The following FAM13B variants were observed in gnomAD, a reference collection of about 807,000 sequenced individuals.
The protein encoded by FAM13B is family with sequence similarity 13 member B.
A neutral mutation model predicts 117.3 loss-of-function variants in FAM13B; 60 were observed. That is an observed-to-expected ratio of 0.51 (90% confidence interval 0.42 to 0.63). The LOEUF is 0.63. Ranked by LOEUF, FAM13B falls within the 30% of genes least tolerant of loss-of-function variation. The pLI is 0.00. For synonymous variants in FAM13B, 332 were observed against 356.1 expected, an observed-to-expected ratio of 0.93 and a Z score of 0.76; for missense variants, 972 against 1,091.9, an observed-to-expected ratio of 0.89 and a Z score of 1.55.
At chr5:138,018,861 A>G in intron 3 of FAM13B, 94 bp downstream of exon 3, 2 of 1,026,458 alleles carry the variant, frequency 1.9e-6, no homozygotes, top group Middle Eastern at 2.6e-4. Flanking sequence ...TGGACTTTCC[A>G]TATTAAAAAA....
intron 7 of FAM13B, among the ~76,000 whole-genome samples, chr5:137,990,767 C>A (rs1462761583): frequency 1.3e-5 from 2 of 151,618 alleles, no homozygotes; most frequent in Non-Finnish European, 2.9e-5. Context: ...CCACCCTGGG[C>A]AACATAGCGA....
rs564838027 is a variant in FAM13B at position 138,002,832 on chromosome 5, A to G, written c.848+4158T>C. On this transcript the variant is annotated intron_variant, in intron 7 of 23. Transcript: ENST00000689681. Reference sequence around the variant, plus strand: ...AGGTGCCCGCCACCACACCCGGCTAATTTTTTTTTTTTTTTGTATTTTTAG... The same window carrying G: ...AGGTGCCCGCCACCACACCCGGCTAGTTTTTTTTTTTTTTTGTATTTTTAG... 4.3e-3 allele frequency among the ~76,000 whole-genome samples: 600 copies of G among 139,008 alleles called. 3 individuals carry two copies. The highest frequency in any genetic ancestry group is 0.014 in the Middle Eastern group (4 of 276). 91.2% of individuals were successfully genotyped at this position (139,008 alleles called of 152,430 possible).
At chr5:138,033,965 A>G (rs1790807185), upstream of FAM13B, 1 of 152,234 alleles carries the variant, frequency 6.6e-6, no homozygotes, top group South Asian at 2.1e-4. Context: ...GAACCCTCAT[A>G]GAACTTGGGA....
chr5:138,018,221 T>C, intron 4 of FAM13B, 81 bp downstream of exon 4: 1 of 1,126,050 alleles, frequency 8.9e-7, no homozygotes, highest in Admixed American at 1.9e-5. Flanking sequence ...ATACTTACTG[T>C]TTACATGTCA....
At chr5:137,956,407 G>T in intron 14 of FAM13B, 70 bp downstream of exon 14, 2 of 1,097,996 alleles carry the variant, frequency 1.8e-6, no homozygotes, top group Non-Finnish European at 2.6e-6. Flanking sequence ...CAGGAGAAGG[G>T]CTTAATAAAA....
At chr5:138,046,673 A>G (rs952721731) in intron 1 of FAM13B, among the ~76,000 whole-genome samples, 17 of 152,232 alleles carry the variant, frequency 1.1e-4, no homozygotes, top group African/African-American at 3.9e-4. Flanking sequence ...CAGAAAATAC[A>G]TTTAATTCAG....
rs1353639362 is a variant in FAM13B, at chr5:137,962,473, AC to A, written c.1180-5del. The A allele has an allele frequency of 6.2e-7, 1 of 1,612,336 alleles. No homozygotes were observed. The highest frequency in any genetic ancestry group is 1.7e-5 in the Admixed American group (1 of 59,770). Reference sequence around the variant, plus strand: ...GCTCTAACAATATACCTACAGACTGACAAAAAGAACACTACCATGTATTAAT... The same window carrying A: ...GCTCTAACAATATACCTACAGACTGAAAAAAGAACACTACCATGTATTAAT... On this transcript the variant is annotated splice_polypyrimidine_tract_variant and splice_region_variant and intron_variant, in intron 10 of 23. Transcript: ENST00000689681.
chr5:138,011,806 T>G lies in FAM13B; in HGVS notation c.510A>C (p.Ala170=). Residue 170 remains alanine, a synonymous_variant, in exon 5 of 24, where the codon GCA becomes GCC. Transcript: ENST00000689681. The part of the protein sequence containing the change: ...VASHHEEIWS[A]NSLAAVFGPD... ...GACCAAAGACAGCAGCCAAAGAATT[T>G]GCGGACCAAATTTCTTCATGATGTG... 2 of 1,612,312 alleles carry G rather than the reference T, an allele frequency of 1.2e-6. No homozygotes were observed. Among genetic ancestry groups the G allele is most frequent in the South Asian group, 2.2e-5 (2 of 90,662 alleles).
At chr5:137,995,793 G>A (rs576922741) in intron 7 of FAM13B, among the ~76,000 whole-genome samples, 8 of 152,102 alleles carry the variant, frequency 5.3e-5, no homozygotes, top group East Asian at 1.9e-4. Flanking sequence ...TACAGGAGAC[G>A]GAAAAGAGGG....
intron 1 of FAM13B, among the ~76,000 whole-genome samples, chr5:138,023,783 C>G (rs900678884): frequency 1.3e-5 from 2 of 152,184 alleles, no homozygotes; most frequent in African/African-American, 4.8e-5. Context: ...TGGTCTTGAA[C>G]TCCTGGGCTC....
intron 6 of FAM13B, among the ~76,000 whole-genome samples, chr5:138,009,530 T>TG (rs1471124664): frequency 6.7e-6 from 1 of 149,730 alleles, no homozygotes; most frequent in East Asian, 2.0e-4. Flanking sequence ...GGGGACCAGG[T>TG]GCAGTGGCTC....
chr5:138,010,333 T>G (rs1342773846), intron 6 of FAM13B, among the ~76,000 whole-genome samples: 1 of 152,144 alleles, frequency 6.6e-6, no homozygotes, highest in African/African-American at 2.4e-5. Flanking sequence ...GGGCCAGGTG[T>G]GGTGGCTAAC....
At chr5:138,010,958 A>AC in intron 6 of FAM13B, 50 bp downstream of exon 6, 1 of 499,326 alleles carries the variant, frequency 2.0e-6, no homozygotes, top group Non-Finnish European at 2.5e-6. Context: ...TATTATTCTT[A>AC]AAAAAAAAAA....
At chr5:137,950,225 T>C (rs1764577476) in intron 17 of FAM13B, among the ~76,000 whole-genome samples, 1 of 152,180 alleles carries the variant, frequency 6.6e-6, no homozygotes, top group South Asian at 2.1e-4. Context: ...AGGAGTATAA[T>C]TTGTGGAGGA....
chr5:137,945,772 AT>A (rs1488146100), intron 20 of FAM13B, 129 bp downstream of exon 20: 10 of 613,960 alleles, frequency 1.6e-5, no homozygotes, highest in Non-Finnish European at 2.2e-5. Context: ...AAAATCAGTA[AT>A]CTCACCTTAC....
chr5:137,977,509 C>T (rs1774369646), intron 10 of FAM13B, among the ~76,000 whole-genome samples: 1 of 152,242 alleles, frequency 6.6e-6, no homozygotes, highest in Middle Eastern at 3.4e-3. Context: ...CCCCCGGATG[C>T]CCAGCTTTAA....
intron 2 of FAM13B, among the ~76,000 whole-genome samples, chr5:138,020,583 G>A (rs185148227): frequency 6.6e-5 from 10 of 152,094 alleles, no homozygotes; most frequent in South Asian, 2.1e-4. Flanking sequence ...ATTACTTTAC[G>A]TAGGAAAAGA....
Position 137,954,538 on chromosome 5 carries a change from GTATA to G in FAM13B, c.1508-166_1508-163del, listed in dbSNP as rs1554116778. The G allele has an allele frequency of 4.9e-4, 40 of 81,324 alleles. 1 individual carries two copies. The highest frequency in any genetic ancestry group is 3.2e-3 in the Middle Eastern group (1 of 308). 5.0% of individuals were successfully genotyped at this position (81,324 alleles called of 1,614,324 possible). The stretch of plus-strand genomic sequence containing the variant: ...CACACACACACATACATGTGTGTGT[GTATA>G]TATATATATATATAATCTTCATAAA... On this transcript the variant is annotated intron_variant, in intron 14 of 23. Transcript: ENST00000689681.
intron 7 of FAM13B, among the ~76,000 whole-genome samples, chr5:138,003,001 A>C (rs939498405): frequency 3.9e-5 from 6 of 151,952 alleles, no homozygotes; most frequent in Non-Finnish European, 8.8e-5. Context: ...TGTGTGCTTC[A>C]TTCCACTTCA....
Sources: gnomAD v4.1 joint callset for allele counts (sites outside exome capture counted in the v4.1 genomes callset) on GRCh38, gnomAD v4.1.1 for gene constraint, MANE v1.5 for transcripts, NCBI Gene and HGNC (gene_info 2026-07-23, HGNC 2026-07-21) for gene names.